KLHL1: variants seen among roughly 807,000 people sequenced by gnomAD.
KLHL1 encodes the protein kelch-like protein 1.
Under a neutral mutation model 77.7 loss-of-function variants are expected in KLHL1, and 47 were observed. The ratio of observed to expected loss-of-function variants is 0.60; its 90% CI spans 0.48 to 0.77. The LOEUF (loss-of-function observed/expected upper bound fraction) is 0.77. Ranked by LOEUF, KLHL1 falls within the 30% of genes least tolerant of loss-of-function variation. The probability of loss-of-function intolerance (pLI) is 0.00; values close to 1 mark genes in which losing one functional copy is unlikely to be tolerated. For missense variants in KLHL1, 925 were observed against 910.8 expected (o/e 1.02, Z -0.20); for synonymous variants, 360 against 325.2 (o/e 1.11, Z -1.15).
rs538310868 is a variant in KLHL1 at position 69,914,441 on chromosome 13, T to A, written c.1014+25599A>T. ...TCTCATTTTCTGTTTCCTCAGTGGCTTTCTCTTGATACACAAGGAATAATC... is the reference window on the plus strand; with the variant it reads ...TCTCATTTTCTGTTTCCTCAGTGGCATTCTCTTGATACACAAGGAATAATC... On this transcript the variant is annotated intron_variant, in intron 4 of 10. Coordinates refer to ENST00000377844, the MANE Select transcript of KLHL1 (RefSeq NM_020866.3). Among the ~76,000 whole-genome samples, 23 of 152,324 alleles carry A rather than the reference T, an allele frequency of 1.5e-4. 1 individual carries two copies. The South Asian group carries it at 3.3e-3, about 22-fold the overall frequency.
At chr13:70,093,020 T>G (rs987284959) in intron 1 of KLHL1, among the ~76,000 whole-genome samples, 3 of 152,132 alleles carry the variant, frequency 2.0e-5, no homozygotes, top group African/African-American at 7.2e-5. Flanking sequence ...TAATAAATTA[T>G]GATTTTATTT....
intron 7 of KLHL1, among the ~76,000 whole-genome samples, chr13:69,755,086 G>A (rs1874648468): frequency 6.6e-6 from 1 of 152,088 alleles, no homozygotes; most frequent in Admixed American, 6.6e-5. Flanking sequence ...CAATGTTGGA[G>A]GTGGAGCCTG....
chr13:69,958,452 TTATAAAC>T (rs145761717), intron 3 of KLHL1, among the ~76,000 whole-genome samples: 19,363 of 151,634 alleles, frequency 0.13, 1,908 homozygotes, highest in East Asian at 0.29. Context: ...TTTTCAAAGA[TTATAAAC>T]TATAATCATT....
intron 1 of KLHL1, among the ~76,000 whole-genome samples, chr13:70,036,959 G>A (rs1886255954): frequency 6.8e-6 from 1 of 146,996 alleles, no homozygotes; most frequent in South Asian, 2.2e-4. Context: ...AGTTAATCGA[G>A]ATAATAATCC....
At chr13:70,054,510 A>C (rs1044050404) in intron 1 of KLHL1, among the ~76,000 whole-genome samples, 5 of 152,070 alleles carry the variant, frequency 3.3e-5, no homozygotes, top group Non-Finnish European at 7.4e-5. Context: ...ATTTGTTTCC[A>C]GTTTAAGTTA....
chr13:69,984,253 A>C (rs73512702), intron 1 of KLHL1, among the ~76,000 whole-genome samples: 23,014 of 152,010 alleles, frequency 0.15, 3,698 homozygotes, highest in African/African-American at 0.41. Flanking sequence ...GCAGCCCCCA[A>C]ATCATTTCTT....
intron 4 of KLHL1, among the ~76,000 whole-genome samples, chr13:69,923,090 C>T (rs180811830): frequency 1.4e-3 from 207 of 152,162 alleles, no homozygotes; most frequent in African/African-American, 4.8e-3. Context: ...TTACCCTCCC[C>T]AGAATGAGAC....
chr13:69,836,178 C>A (rs1878981283), intron 6 of KLHL1, among the ~76,000 whole-genome samples: 1 of 152,040 alleles, frequency 6.6e-6, no homozygotes, highest in East Asian at 1.9e-4. Flanking sequence ...AGAGACCTTG[C>A]AATGCATGTG....
intron 7 of KLHL1, among the ~76,000 whole-genome samples, chr13:69,764,405 A>G (rs991682455): frequency 1.3e-5 from 2 of 152,128 alleles, no homozygotes; most frequent in African/African-American, 2.4e-5. Context: ...GGGAGGCCCA[A>G]TTTTCAAATC....
chr13:70,003,447 T>A (rs1885342215), intron 1 of KLHL1, among the ~76,000 whole-genome samples: 1 of 151,650 alleles, frequency 6.6e-6, no homozygotes, highest in African/African-American at 2.4e-5. Context: ...TTAAGCTGAA[T>A]CAAATGAGGT....
At chr13:70,002,875 C>T (rs1322436683) in intron 1 of KLHL1, among the ~76,000 whole-genome samples, 1 of 151,570 alleles carries the variant, frequency 6.6e-6, no homozygotes, top group African/African-American at 2.4e-5. Context: ...AAGCAAGTTA[C>T]AAATTCCAGA....
chr13:69,748,681 T>C (rs1158379897), intron 7 of KLHL1, among the ~76,000 whole-genome samples: 1 of 152,008 alleles, frequency 6.6e-6, no homozygotes. Context: ...ATATAACTCA[T>C]AGTATTTGTG....
chr13:70,006,512 T>C (rs1214304851), intron 1 of KLHL1, among the ~76,000 whole-genome samples: 2 of 151,592 alleles, frequency 1.3e-5, no homozygotes, highest in Non-Finnish European at 2.9e-5. Flanking sequence ...GTTTTTTTTT[T>C]TTTTTCAAAG....
intron 7 of KLHL1, among the ~76,000 whole-genome samples, chr13:69,756,212 A>T (rs1175837470): frequency 6.6e-6 from 1 of 152,120 alleles, no homozygotes; most frequent in Non-Finnish European, 1.5e-5. Context: ...TAATATCTAC[A>T]TATGTTGAGG....
chr13:70,064,763 C>T (rs564508544), intron 1 of KLHL1, among the ~76,000 whole-genome samples: 5 of 152,208 alleles, frequency 3.3e-5, no homozygotes, highest in East Asian at 3.9e-4. Context: ...ATTTGGCTGG[C>T]GATCCACGAC....
At chr13:69,850,066 T>C (rs148212164) in intron 5 of KLHL1, among the ~76,000 whole-genome samples, 19 of 151,618 alleles carry the variant, frequency 1.3e-4, no homozygotes, top group African/African-American at 2.4e-4. Context: ...TCACATTCGA[T>C]AGCAAAAATC....
At chr13:69,988,900 C>T (rs1427579374) in intron 1 of KLHL1, among the ~76,000 whole-genome samples, 1 of 151,974 alleles carries the variant, frequency 6.6e-6, no homozygotes, top group Non-Finnish European at 1.5e-5. Flanking sequence ...AATATTTTCT[C>T]CAATTCTGTA....
intron 1 of KLHL1, among the ~76,000 whole-genome samples, chr13:70,047,086 AACAGTGAAC>A (rs1393843383): frequency 6.6e-6 from 1 of 152,174 alleles, no homozygotes; most frequent in Non-Finnish European, 1.5e-5. Flanking sequence ...AACCAAACCC[AACAGTGAAC>A]ACAATAGCAT....
At chr13:70,026,926 C>G (rs1885964672) in intron 1 of KLHL1, among the ~76,000 whole-genome samples, 1 of 151,902 alleles carries the variant, frequency 6.6e-6, no homozygotes, top group Non-Finnish European at 1.5e-5. Context: ...TATGTTTTAT[C>G]AATGTTATAA....
Sources: gnomAD v4.1 joint callset for allele counts (sites outside exome capture counted in the v4.1 genomes callset) on GRCh38, gnomAD v4.1.1 for gene constraint, MANE v1.5 for transcripts, NCBI Gene and HGNC (gene_info 2026-07-23, HGNC 2026-07-21) for gene names.